TMEM132D: variants seen among roughly 807,000 people sequenced by gnomAD.
The protein encoded by TMEM132D is mature OL transmembrane protein.
A neutral mutation model predicts 62.3 loss-of-function variants in TMEM132D; 21 were observed. The ratio of observed to expected loss-of-function variants is 0.34; its 90% confidence interval spans 0.24 to 0.49. The LOEUF (loss-of-function observed/expected upper bound fraction) is 0.49. Ranked by LOEUF, TMEM132D falls within the 20% of genes least tolerant of loss-of-function variation. The probability of loss-of-function intolerance (pLI) is 0.99; values close to 1 mark genes in which losing one functional copy is unlikely to be tolerated. For missense variants in TMEM132D, 1,346 were observed against 1,402.8 expected (o/e 0.96, Z 0.65); for synonymous variants, 621 against 575.6 (o/e 1.08, Z -1.13).
At chr12:129,421,876 G>A (rs9805015) in intron 3 of TMEM132D, among the ~76,000 whole-genome samples, 107,326 of 151,998 alleles carry the variant, frequency 0.71, 37,966 homozygotes, top group East Asian at 0.77. Context: ...TTTAAAGCAA[G>A]TTTTAATTAG....
chr12:129,899,643 A>G (rs968696748), intron 1 of TMEM132D, among the ~76,000 whole-genome samples: 1 of 152,176 alleles, frequency 6.6e-6, no homozygotes. Flanking sequence ...ATAATAAAAT[A>G]TTTTTGAAAT....
intron 2 of TMEM132D, among the ~76,000 whole-genome samples, chr12:129,674,886 A>C (rs1880591789): frequency 6.6e-6 from 1 of 151,998 alleles, no homozygotes; most frequent in African/African-American, 2.4e-5. Context: ...GGACTTTCTC[A>C]TGTAGGATTT....
At chr12:129,639,950 C>T (rs1023693098) in intron 2 of TMEM132D, among the ~76,000 whole-genome samples, 1 of 152,090 alleles carries the variant, frequency 6.6e-6, no homozygotes, top group Non-Finnish European at 1.5e-5. Context: ...GTGCTATGTG[C>T]CACAGATGTA....
chr12:129,395,044 A>G (rs181437725), intron 3 of TMEM132D, among the ~76,000 whole-genome samples: 21 of 152,346 alleles, frequency 1.4e-4, no homozygotes, highest in African/African-American at 4.6e-4. Context: ...TCCTTCCGCC[A>G]TGCCTCTGTA....
chr12:129,462,352 C>G (rs140840839), intron 3 of TMEM132D, among the ~76,000 whole-genome samples: 1 of 152,194 alleles, frequency 6.6e-6, no homozygotes, highest in East Asian at 1.9e-4. Context: ...CAAAAAGAGA[C>G]GCTCAAAGGT....
chr12:129,674,572 A>AGC (rs1252958662), intron 2 of TMEM132D, among the ~76,000 whole-genome samples: 84 of 152,204 alleles, frequency 5.5e-4, no homozygotes, highest in African/African-American at 1.9e-3. Flanking sequence ...AGAGTCTCAA[A>AGC]ACAGTCACCT....
At chr12:129,452,580 C>T (rs1873328669) in intron 3 of TMEM132D, among the ~76,000 whole-genome samples, 1 of 152,130 alleles carries the variant, frequency 6.6e-6, no homozygotes, top group Non-Finnish European at 1.5e-5. Context: ...TCAGCACTAA[C>T]ATTATCCTAA....
At chr12:129,505,237 C>T (rs951364053) in intron 3 of TMEM132D, among the ~76,000 whole-genome samples, 2 of 137,374 alleles carry the variant, frequency 1.5e-5, no homozygotes, top group African/African-American at 6.0e-5. Flanking sequence ...CCATTTGTTC[C>T]AGGGTATAGT....
chr12:129,513,831 TA>T lies in TMEM132D; in HGVS notation c.1115+17227del, dbSNP rs1347650623. On this transcript the variant is annotated intron_variant, in intron 3 of 8. Transcript: ENST00000422113. ...TTATTTATTTATTTATTTATTTATT[TA>T]TTTATTTATTTATTTATTTTTTTGA... Among the ~76,000 whole-genome samples the T allele has an allele frequency of 2.6e-4, 36 of 137,356 alleles. No homozygotes were observed. The East Asian group carries it at 4.2e-3, about 16-fold the overall frequency. 90.1% of individuals were successfully genotyped at this position (137,356 alleles called of 152,430 possible). A position where few individuals can be genotyped will look rare whatever the true frequency, so the allele number is the denominator to read the frequency against.
At chr12:129,237,987 CT>C (rs1345226986) in intron 4 of TMEM132D, among the ~76,000 whole-genome samples, 1 of 152,158 alleles carries the variant, frequency 6.6e-6, no homozygotes, top group Non-Finnish European at 1.5e-5. Flanking sequence ...TAGGCTCTCA[CT>C]TTTAGCAGGG....
At chr12:129,097,052 G>A (rs542147477) in intron 5 of TMEM132D, among the ~76,000 whole-genome samples, 65 of 152,314 alleles carry the variant, frequency 4.3e-4, no homozygotes, top group African/African-American at 1.5e-3. Context: ...CACCCAAGCC[G>A]CTCTTGCCAC....
At chr12:129,244,562 T>C (rs956980626) in intron 4 of TMEM132D, among the ~76,000 whole-genome samples, 5 of 152,206 alleles carry the variant, frequency 3.3e-5, no homozygotes, top group Non-Finnish European at 5.9e-5. Flanking sequence ...TATTTGTATT[T>C]AGCACTCACA....
rs551624801 is a variant in TMEM132D at position 129,466,782 on chromosome 12, T to C, written c.1115+64277A>G. 3.9e-3 allele frequency among the ~76,000 whole-genome samples: 601 copies of C among 152,334 alleles called. 3 individuals carry two copies. The highest frequency in any genetic ancestry group is 0.014 in the African/African-American group (562 of 41,572). On this transcript the variant is annotated intron_variant, in intron 3 of 8. Transcript: ENST00000422113. Reference sequence around the variant, plus strand: ...GTTCTCATGTATTATTTCCTTAGGCTTGAATGCTCTTTCCATCCTTCCCCT... The same window carrying C: ...GTTCTCATGTATTATTTCCTTAGGCCTGAATGCTCTTTCCATCCTTCCCCT...
chr12:129,893,166 C>T (rs191531438), intron 1 of TMEM132D, among the ~76,000 whole-genome samples: 5 of 152,186 alleles, frequency 3.3e-5, no homozygotes, highest in Admixed American at 6.5e-5. Context: ...GGAGCCACCA[C>T]GCCTGGCTTA....
At chr12:129,598,161 T>C (rs1360669812) in intron 2 of TMEM132D, among the ~76,000 whole-genome samples, 1 of 152,194 alleles carries the variant, frequency 6.6e-6, no homozygotes, top group African/African-American at 2.4e-5. Context: ...CCTGGACAGA[T>C]TCTTATAAAA....
intron 3 of TMEM132D, among the ~76,000 whole-genome samples, chr12:129,462,078 T>G (rs1370930643): frequency 6.6e-6 from 1 of 152,176 alleles, no homozygotes; most frequent in Non-Finnish European, 1.5e-5. Flanking sequence ...GAGTAAGTTC[T>G]AAATAATAGA....
intron 4 of TMEM132D, among the ~76,000 whole-genome samples, chr12:129,218,113 C>G (rs955802044): frequency 1.3e-5 from 2 of 152,174 alleles, no homozygotes; most frequent in Non-Finnish European, 2.9e-5. Context: ...AGTCTATGCC[C>G]TTTATCCTGA....
intron 2 of TMEM132D, among the ~76,000 whole-genome samples, chr12:129,606,472 C>T (rs764150277): frequency 5.3e-5 from 8 of 152,064 alleles, no homozygotes; most frequent in Non-Finnish European, 1.0e-4. Context: ...ATGGTGTGGG[C>T]GAGCTCAGTG....
At chr12:129,088,652 C>T (rs868127297) in intron 5 of TMEM132D, among the ~76,000 whole-genome samples, 1 of 59,940 alleles carries the variant, frequency 1.7e-5, no homozygotes, top group Admixed American at 1.8e-4. Context: ...GGATGTCCTC[C>T]ATGACCGGGT....
Sources: allele counts gnomAD v4.1 joint callset (sites outside exome capture counted in the v4.1 genomes callset), GRCh38; gene constraint gnomAD v4.1.1; transcripts MANE v1.5; gene names NCBI Gene and HGNC (gene_info 2026-07-23, HGNC 2026-07-21).